PCDHA13: variants seen among roughly 807,000 people sequenced by gnomAD.
PCDHA13 encodes protocadherin alpha-13.
In PCDHA13, 54 loss-of-function variants were observed where a neutral mutation model predicts 64.8. The ratio of observed to expected loss-of-function variants is 0.83; its 90% CI spans 0.67 to 1.04. The LOEUF (loss-of-function observed/expected upper bound fraction) is 1.04, where lower values mean the gene tolerates loss of function less well. Ranked by LOEUF, PCDHA13 falls within the 50% of genes least tolerant of loss-of-function variation. The probability of loss-of-function intolerance (pLI) is 0.00; values close to 1 mark genes in which losing one functional copy is unlikely to be tolerated. For missense variants in PCDHA13, 1,248 were observed against 1,254.3 expected (o/e 0.99, Z 0.08); for synonymous variants, 587 against 564.4 (o/e 1.04, Z -0.57).
In PCDHA13 at chr5:140,928,550, C is replaced by T. The variant is rs781857799; in HGVS notation, c.2394+43888C>T. The T allele has an allele frequency of 3.7e-6, 6 of 1,614,160 alleles. No individual in the cohort carries two copies. Among genetic ancestry groups the T allele is most frequent in the South Asian group, 3.3e-5 (3 of 91,084 alleles). On this transcript the variant is annotated intron_variant, in intron 1 of 3. Transcript: ENST00000289272. ...GTGGTAGATAGGAATGACAATTATC[C>T]GGTTATCTTGTTTCCCTTGCCCAGA...
intron 1 of PCDHA13, among the ~76,000 whole-genome samples, chr5:140,919,585 G>A (rs2079204849): frequency 6.6e-6 from 1 of 151,898 alleles, no homozygotes; most frequent in African/African-American, 2.4e-5. Flanking sequence ...ATGTAACATG[G>A]TAATTTTTAA....
chr5:140,884,083 G>A lies in PCDHA13; in HGVS notation c.1815G>A (p.Ala605=). ...RAVDADSGYN[A]WLSYELQLAA... is the part of the protein sequence containing the mutation. The stretch of plus-strand genomic sequence containing the variant: ...TGGACGCCGATTCGGGCTACAATGC[G>A]TGGCTTTCGTATGAATTGCAGCTGG... Residue 605 remains alanine (A), a synonymous_variant, in exon 1 of 4, where the codon GCG becomes GCA. Transcript: ENST00000289272. 1 of 1,613,596 alleles carries A rather than the reference G, an allele frequency of 6.2e-7. No homozygotes were observed.
chr5:140,935,952 G>C (rs1554210758), intron 1 of PCDHA13, among the ~76,000 whole-genome samples: 3 of 148,522 alleles, frequency 2.0e-5, no homozygotes, highest in Non-Finnish European at 4.4e-5. Flanking sequence ...GAGTAAAGTG[G>C]TACAATCTTG....
chr5:140,941,255 C>CTT (rs782490896), intron 1 of PCDHA13, among the ~76,000 whole-genome samples: 1,945 of 44,372 alleles, frequency 0.044, 20 homozygotes, highest in African/African-American at 0.075. Flanking sequence ...TTCTTTCTTT[C>CTT]TCTTTCTTTC....
intron 3 of PCDHA13, among the ~76,000 whole-genome samples, chr5:140,983,223 C>T (rs2153830857): frequency 6.6e-6 from 1 of 152,270 alleles, no homozygotes; most frequent in Admixed American, 6.5e-5. Context: ...CTAATCCAAA[C>T]TTTCAGGAAA....
chr5:140,968,789 G>C, intron 1 of PCDHA13: 5 of 1,614,180 alleles, frequency 3.1e-6, no homozygotes, highest in Non-Finnish European at 4.2e-6. Context: ...AGCCTCTGTG[G>C]CCATTACAGT....
At chr5:140,930,993 C>T (rs1275430453) in intron 1 of PCDHA13, among the ~76,000 whole-genome samples, 1 of 152,140 alleles carries the variant, frequency 6.6e-6, no homozygotes, top group African/African-American at 2.4e-5. Flanking sequence ...TCATGACCTA[C>T]ACTAATAACA....
chr5:140,984,692 C>T (rs1252057323), intron 3 of PCDHA13, among the ~76,000 whole-genome samples: 2 of 152,130 alleles, frequency 1.3e-5, no homozygotes, highest in Non-Finnish European at 2.9e-5. Context: ...ATATGTTCTG[C>T]ACTGCTTGGA....
At chr5:140,943,479 TAATA>T (rs1447671932) in intron 1 of PCDHA13, among the ~76,000 whole-genome samples, 1 of 151,960 alleles carries the variant, frequency 6.6e-6, no homozygotes, top group African/African-American at 2.4e-5. Context: ...TACAGTAAAA[TAATA>T]AATAGATGCT....
intron 1 of PCDHA13, among the ~76,000 whole-genome samples, chr5:140,974,053 T>C (rs529581642): frequency 6.6e-6 from 1 of 152,346 alleles, no homozygotes; most frequent in African/African-American, 2.4e-5. Flanking sequence ...TATGATAATA[T>C]TTGGAGCAGT....
chr5:140,909,066 T>G (rs1554193625), intron 1 of PCDHA13, among the ~76,000 whole-genome samples: 1 of 152,200 alleles, frequency 6.6e-6, no homozygotes, highest in African/African-American at 2.4e-5. Flanking sequence ...GTCTCACCAA[T>G]AAGCCCAGTG....
rs1436927101 is a variant in PCDHA13 at position 140,886,292 on chromosome 5, T to A, written c.2394+1630T>A. Reference sequence around the variant, plus strand: ...AAATTTTTTAAAATTATTTTTATATTTATTTATTTTTTATTACACTTTAAG... The same window carrying A: ...AAATTTTTTAAAATTATTTTTATATATATTTATTTTTTATTACACTTTAAG... On this transcript the variant is annotated intron_variant, in intron 1 of 3. Coordinates refer to ENST00000289272, the MANE Select transcript of PCDHA13 (RefSeq NM_018904.3). 5.3e-5 allele frequency among the ~76,000 whole-genome samples: 8 copies of A among 152,090 alleles called. No homozygotes were observed. In the East Asian group the frequency reaches 1.3e-3, roughly 26 times the overall value.
chr5:140,937,195 G>A lies in PCDHA13; in HGVS notation c.2395-41754G>A, dbSNP rs371063672. On this transcript the variant is annotated intron_variant, in intron 1 of 3. Coordinates refer to ENST00000289272, the MANE Select transcript of PCDHA13 (RefSeq NM_018904.3). ...TGGGACTACAGGCGCCCGCCACCAT[G>A]CCCGGCTAATTTTTTGTATTTTTTG... Among the ~76,000 whole-genome samples the A allele has an allele frequency of 1.5e-3, 231 of 151,994 alleles. 5 individuals are homozygous for A. The South Asian group carries it at 0.033, about 22-fold the overall frequency.
chr5:140,929,180 G>A, intron 1 of PCDHA13: 1 of 1,614,150 alleles, frequency 6.2e-7, no homozygotes, highest in Non-Finnish European at 8.5e-7. Context: ...CTGGGACTTG[G>A]TTCTGATAAT....
intron 1 of PCDHA13, chr5:140,928,827 A>G (rs1554206364): frequency 6.2e-7 from 1 of 1,614,130 alleles, no homozygotes. Flanking sequence ...GAGACCCACC[A>G]CTTTCCTCCT....
intron 1 of PCDHA13, among the ~76,000 whole-genome samples, chr5:140,951,082 CTTT>C (rs573059224): frequency 6.6e-6 from 1 of 151,404 alleles, no homozygotes; most frequent in African/African-American, 2.4e-5. Flanking sequence ...TTATATTTTC[CTTT>C]TTTTCTGATA....
chr5:140,991,642 A>T (rs2097463636), intron 3 of PCDHA13, among the ~76,000 whole-genome samples: 2 of 152,160 alleles, frequency 1.3e-5, no homozygotes, highest in South Asian at 4.1e-4. Flanking sequence ...CAATCTGTTC[A>T]TGACAATTTA....
At chr5:140,968,877 T>A in intron 1 of PCDHA13, 1 of 1,614,226 alleles carries the variant, frequency 6.2e-7, no homozygotes, top group South Asian at 1.1e-5. Flanking sequence ...TACTCTGAAA[T>A]TACCCTTTAT....
chr5:140,883,547 G>C lies in PCDHA13; in HGVS notation c.1279G>C (p.Ala427Pro). The C allele has an allele frequency of 6.2e-7, 1 of 1,614,234 alleles. No homozygotes were observed. Among genetic ancestry groups the C allele is most frequent in the Non-Finnish European group, 8.5e-7 (1 of 1,180,050 alleles). ...SVSAYELVVT[A>P]RDGGSPSLWA... ...ATCAGCCTATGAACTGGTGGTGACC[G>C]CGCGGGACGGGGGCTCGCCTTCGCT... The change falls in exon 1 of 4, where the codon GCG becomes CCG. Residue 427 changes from alanine (A) to proline (P), a missense_variant. Ala to Pro is a conservative substitution (Grantham distance 27). Transcript: ENST00000289272.
Sources: gnomAD v4.1 joint callset for allele counts (sites outside exome capture counted in the v4.1 genomes callset) on GRCh38, gnomAD v4.1.1 for gene constraint, MANE v1.5 for transcripts, NCBI Gene and HGNC (gene_info 2026-07-23, HGNC 2026-07-21) for gene names.